ATP9B: variants seen among roughly 807,000 people sequenced by gnomAD.
ATP9B encodes ATPase phospholipid transporting 9B.
Under a neutral mutation model 146.1 loss-of-function variants are expected in ATP9B, and 110 were observed. The observed-to-expected ratio is 0.75, with a 90% CI of 0.65 to 0.88. ATP9B has a LOEUF of 0.88. Among genes scored for constraint, ATP9B ranks in the 40% least tolerant of loss-of-function variants. ATP9B has a pLI of 0.00. For synonymous variants in ATP9B, 604 were observed against 569.7 expected, an observed-to-expected ratio of 1.06 and a Z score of -0.86; for missense variants, 1,499 against 1,496.4, an observed-to-expected ratio of 1.00 and a Z score of -0.03.
intron 4 of ATP9B, among the ~76,000 whole-genome samples, chr18:79,120,293 G>C (rs1390439544): frequency 6.6e-6 from 1 of 152,144 alleles, no homozygotes; most frequent in African/African-American, 2.4e-5. Flanking sequence ...TCCTGCCTCT[G>C]AGGCATAAAA....
intron 7 of ATP9B, among the ~76,000 whole-genome samples, chr18:79,175,987 T>C (rs1385083672): frequency 6.6e-6 from 1 of 152,238 alleles, no homozygotes; most frequent in Non-Finnish European, 1.5e-5. Flanking sequence ...TATTTTTCTA[T>C]ATATAATGTC....
intron 8 of ATP9B, among the ~76,000 whole-genome samples, chr18:79,184,373 T>C (rs2095283781): frequency 6.6e-6 from 1 of 152,280 alleles, no homozygotes; most frequent in African/African-American, 2.4e-5. Context: ...TTTGTTTGTT[T>C]TTTTAATTTC....
chr18:79,180,258 G>A (rs184922521), intron 8 of ATP9B, among the ~76,000 whole-genome samples: 12 of 152,136 alleles, frequency 7.9e-5, no homozygotes, highest in South Asian at 2.1e-4. Context: ...GTGGTTGAGC[G>A]GAAGTCAGTC....
At chr18:79,182,118 G>C (rs1197537328) in intron 8 of ATP9B, among the ~76,000 whole-genome samples, 1 of 152,120 alleles carries the variant, frequency 6.6e-6, no homozygotes, top group Non-Finnish European at 1.5e-5. Context: ...AGGCCTAGAG[G>C]CTCCTTTATT....
intron 12 of ATP9B, among the ~76,000 whole-genome samples, chr18:79,262,724 A>G (rs1209214037): frequency 1.3e-5 from 2 of 152,196 alleles, no homozygotes; most frequent in Non-Finnish European, 2.9e-5. Context: ...TCCATACATG[A>G]ACCCTGAGGG....
At chr18:79,069,794 G>C (rs1187778270) in intron 1 of ATP9B, among the ~76,000 whole-genome samples, 1 of 152,258 alleles carries the variant, frequency 6.6e-6, no homozygotes, top group East Asian at 1.9e-4. Flanking sequence ...GCAGAGAACC[G>C]CGGTCCAGTG....
Position 79,342,308 on chromosome 18 carries a change from G to A in ATP9B, c.2324G>A (p.Cys775Tyr). 4 of 1,613,628 alleles carry A rather than the reference G, an allele frequency of 2.5e-6. No individual in the cohort carries two copies. In the South Asian group the frequency reaches 4.4e-5, roughly 18 times the overall value. Residue 775 changes from cysteine (C) to tyrosine (Y), a missense_variant, in exon 20 of 30, where the codon TGC becomes TAC. Cys to Tyr is a radical substitution (Grantham distance 194). Coordinates refer to ENST00000426216, the MANE Select transcript of ATP9B (RefSeq NM_198531.5). ...LTGDKLETAT[C>Y]IAKSSHLVSR... ...GGCGATAAACTCGAGACAGCTACCT[G>A]CATTGCCAAAAGTTCACATCTCGTG...
rs747594506 is a variant in ATP9B, at chr18:79,347,943, C to G, written c.2838+18C>G. Reference sequence around the variant, plus strand: ...CCATGCAGGTACTAAGCCTTCTGTGCTGGCACCCATGGAGGGCAGGGTCCA... The same window carrying G: ...CCATGCAGGTACTAAGCCTTCTGTGGTGGCACCCATGGAGGGCAGGGTCCA... On this transcript the variant is annotated intron_variant, in intron 24 of 29. Transcript: ENST00000426216. The G allele has an allele frequency of 1.3e-5, 21 of 1,608,128 alleles. No homozygotes were observed. The East Asian group carries it at 4.5e-4, about 34-fold the overall frequency.
intron 4 of ATP9B, among the ~76,000 whole-genome samples, chr18:79,118,905 A>G (rs111660241): frequency 0.019 from 2,868 of 152,028 alleles, 45 homozygotes; most frequent in Non-Finnish European, 0.029. Context: ...TTCCATCTCT[A>G]CCAAAAAATA....
chr18:79,371,449 T>C (rs1408268627), intron 26 of ATP9B, among the ~76,000 whole-genome samples: 1 of 151,452 alleles, frequency 6.6e-6, no homozygotes, highest in Non-Finnish European at 1.5e-5. Context: ...CTTTTCATAT[T>C]CACGTGTGAG....
chr18:79,305,192 C>T (rs1332066103), intron 14 of ATP9B, among the ~76,000 whole-genome samples: 1 of 152,208 alleles, frequency 6.6e-6, no homozygotes, highest in East Asian at 1.9e-4. Context: ...ACTTGATTTT[C>T]GCAGAGACTA....
intron 7 of ATP9B, among the ~76,000 whole-genome samples, chr18:79,162,078 C>T (rs1342085964): frequency 6.6e-6 from 1 of 152,084 alleles, no homozygotes. Flanking sequence ...AGTTTTAATA[C>T]TATTTTATTG....
At chr18:79,260,771 C>T (rs1222622190) in intron 12 of ATP9B, among the ~76,000 whole-genome samples, 1 of 152,204 alleles carries the variant, frequency 6.6e-6, no homozygotes, top group Non-Finnish European at 1.5e-5. Context: ...TTGGCATGAG[C>T]AGTGCAGAGG....
At chr18:79,290,714 G>A (rs981660688) in intron 13 of ATP9B, among the ~76,000 whole-genome samples, 18 of 152,222 alleles carry the variant, frequency 1.2e-4, no homozygotes, top group African/African-American at 2.9e-4. Context: ...CCTTGCTCAC[G>A]CTGGGAGCTG....
intron 7 of ATP9B, chr18:79,173,648 C>G (rs139408193): frequency 1.2e-4 from 55 of 452,720 alleles, no homozygotes; most frequent in African/African-American, 9.6e-4. Context: ...TGGGGGGACT[C>G]TCTCTGGGTT....
At chr18:79,100,676 T>A (rs2075206641) in intron 2 of ATP9B, among the ~76,000 whole-genome samples, 1 of 152,188 alleles carries the variant, frequency 6.6e-6, no homozygotes, top group African/African-American at 2.4e-5. Flanking sequence ...TTAGTTCATT[T>A]TCACACTGCT....
intron 12 of ATP9B, among the ~76,000 whole-genome samples, chr18:79,273,615 A>G (rs1356228504): frequency 6.6e-6 from 1 of 152,230 alleles, no homozygotes; most frequent in Non-Finnish European, 1.5e-5. Context: ...CGCGATTCTC[A>G]GACAAGTTGT....
At chr18:79,232,082 C>T (rs2148585818) in intron 11 of ATP9B, among the ~76,000 whole-genome samples, 1 of 152,130 alleles carries the variant, frequency 6.6e-6, no homozygotes, top group Non-Finnish European at 1.5e-5. Context: ...TGGTGATGAC[C>T]TTCTGTAAAG....
intron 11 of ATP9B, among the ~76,000 whole-genome samples, chr18:79,244,775 C>G (rs979582085): frequency 2.6e-5 from 4 of 152,162 alleles, no homozygotes; most frequent in African/African-American, 9.7e-5. Flanking sequence ...AGCATAGTCT[C>G]TTCAGTGTGT....
Sources: gnomAD v4.1 joint callset for allele counts (sites outside exome capture counted in the v4.1 genomes callset) on GRCh38, gnomAD v4.1.1 for gene constraint, MANE v1.5 for transcripts, NCBI Gene and HGNC (gene_info 2026-07-23, HGNC 2026-07-21) for gene names.